Variants in RANBP1 observed in about 807,000 individuals in gnomAD.
RANBP1 encodes the protein RAN binding protein 1.
In RANBP1, 16 loss-of-function variants were observed where a neutral mutation model predicts 31.4. That is an observed-to-expected ratio of 0.51 (90% CI 0.34 to 0.77). The LOEUF (loss-of-function observed/expected upper bound fraction) is 0.77, where lower values mean the gene tolerates loss of function less well. Among genes scored for constraint, RANBP1 ranks in the 30% least tolerant of loss-of-function variants. The pLI is 0.01. For missense variants in RANBP1, 265 were observed against 362.0 expected (o/e 0.73, Z 2.17); for synonymous variants, 129 against 140.5 (o/e 0.92, Z 0.58).
chr22:20,124,927 G>A (rs995569584), intron 3 of RANBP1: 1 of 292,456 alleles, frequency 3.4e-6, no homozygotes, highest in Admixed American at 5.2e-5. Context: ...TTGGGCTTGA[G>A]TGCAGCCCTG....
rs145692019 is a variant in RANBP1 at position 20,116,193 on chromosome 22, G to A, written c.9G>A (p.Ser3=). 3.8e-5 allele frequency: 61 copies of A among 1,613,034 alleles called. No individual in the cohort carries two copies. The African/African-American group carries it at 5.2e-4, about 14-fold the overall frequency. ...GTCGCCTCCTCCTGGCCATGGGGTC[G>A]GCCTTGGGCCGGGCCAGGCGCACAC... MG[S]ALGRARRTLS... is the part of the protein sequence containing the mutation. The change falls in exon 1 of 6, where the codon TCG becomes TCA. Residue 3 remains serine (S), a synonymous_variant. Coordinates refer to ENST00000430524, the MANE Select transcript of RANBP1 (RefSeq NM_001278639.2).
intron 4 of RANBP1, among the ~76,000 whole-genome samples, 158 bp from the exon 5 acceptor site, chr22:20,126,145 A>AC (rs1449965297): frequency 6.6e-6 from 1 of 152,192 alleles, no homozygotes; most frequent in Non-Finnish European, 1.5e-5. Context: ...GATGAAGGAG[A>AC]CAGAAGGCCA....
rs1446426246 is a variant in RANBP1, at chr22:20,117,426, G to A, written c.246+996G>A. On this transcript the variant is annotated intron_variant, in intron 1 of 5. Transcript: ENST00000430524. ...GCGCGGGGCGGGCCGGACAATGAGA[G>A]TGTCCGCCTCCTGAGCCAATAAAGC... 4.2e-6 allele frequency: 5 copies of A among 1,201,190 alleles called. No homozygotes were observed. In the African/African-American group the frequency reaches 4.8e-5, roughly 12 times the overall value. 74.4% of individuals were successfully genotyped at this position (1,201,190 alleles called of 1,614,324 possible).
intron 3 of RANBP1, chr22:20,122,723 C>A: frequency 2.2e-6 from 2 of 928,856 alleles, no homozygotes; most frequent in Non-Finnish European, 1.3e-6. Flanking sequence ...CGAGGGGGTG[C>A]TGTGTGTGTG....
intron 5 of RANBP1, 84 bp downstream of exon 5, chr22:20,126,452 C>A: frequency 6.2e-7 from 1 of 1,608,986 alleles, no homozygotes; most frequent in South Asian, 1.1e-5. Flanking sequence ...CTTTTTCTGT[C>A]TGCCAGATAA....
intron 5 of RANBP1, 106 bp from the exon 6 acceptor site, chr22:20,126,846 G>A (rs2050310997): frequency 1.4e-6 from 2 of 1,434,816 alleles, no homozygotes; most frequent in Admixed American, 1.9e-5. Context: ...CCGAGGGCGG[G>A]CAAGCCGCTG....
chr22:20,116,985 A>G, intron 1 of RANBP1: 1 of 1,496,194 alleles, frequency 6.7e-7, no homozygotes, highest in Non-Finnish European at 9.1e-7. Flanking sequence ...GTCACAAGGG[A>G]AGTGGCCTGT....
rs566259050 is a variant in RANBP1 at position 20,119,027 on chromosome 22, C to T, written c.261C>T (p.Asp87=). Residue 87 remains aspartate, a synonymous_variant, in exon 2 of 6, where the codon GAC becomes GAT. Transcript: ENST00000430524. ...SLKISEDTHE[D]HDTSTENTDE... ...TATCTCCACAGGACACTCATGAGGA[C>T]CATGATACTTCCACTGAGAATACAG... 22 of 1,612,744 alleles carry T rather than the reference C, an allele frequency of 1.4e-5. No homozygotes were observed. In the East Asian group the frequency reaches 4.5e-4, roughly 33 times the overall value.
Position 20,116,215 on chromosome 22 carries a change from A to C in RANBP1, c.31A>C (p.Thr11Pro). The C allele has an allele frequency of 1.2e-6, 2 of 1,613,026 alleles. No individual in the cohort carries two copies. The highest frequency in any genetic ancestry group is 1.7e-6 in the Non-Finnish European group (2 of 1,180,006). The change falls in exon 1 of 6, where the codon ACA (threonine) becomes CCA (proline). Residue 11 changes from threonine (T) to proline (P), a missense_variant. Around this residue, in one of 3 missense-constraint regions of RANBP1, gnomAD observed 126 missense variants for 123.6 expected, o/e 1.02. Coordinates refer to ENST00000430524, the MANE Select transcript of RANBP1 (RefSeq NM_001278639.2). ...GTCGGCCTTGGGCCGGGCCAGGCGC[A>C]CACTGAGTGGGCGGCCTTTCCAGAG... MGSALGRARRTLSGRPFQRAP... is the reference protein window; with the variant it reads MGSALGRARRPLSGRPFQRAP...
rs1157725526 is a variant in RANBP1 at position 20,125,448 on chromosome 22, G to T, written c.670+12G>T. 1.3e-6 allele frequency: 2 copies of T among 1,595,844 alleles called. No individual in the cohort carries two copies. Among genetic ancestry groups the T allele is most frequent in the East Asian group, 2.3e-5 (1 of 43,866 alleles). ...CCTGAATGCTGAGAGTGAGCCAAGG[G>T]CCCTGGGGACCTGCCTGACTTGGGG... On this transcript the variant is annotated intron_variant, in intron 4 of 5. Transcript: ENST00000430524.
At chr22:20,116,604 C>T in intron 1 of RANBP1, 174 bp downstream of exon 1, 3 of 1,539,242 alleles carry the variant, frequency 1.9e-6, no homozygotes, top group Non-Finnish European at 8.7e-7. Context: ...TCTCCATGGG[C>T]TTCGGGCCCT....
At position 20,127,108 on chromosome 22, in the gene RANBP1, T is replaced by C; in HGVS notation, c.*56T>C. 1.4e-6 allele frequency: 2 copies of C among 1,447,352 alleles called. No homozygotes were observed. The highest frequency in any genetic ancestry group is 1.4e-5 in the African/African-American group (1 of 69,564). 89.7% of individuals were successfully genotyped at this position (1,447,352 alleles called of 1,614,324 possible). A position where few individuals can be genotyped will look rare whatever the true frequency, so the allele number is the denominator to read the frequency against. ...TTCCTTTCCTTTTTTTAAAAAATTT[T>C]ACCCTGCCCCTCTTTTTCGGTTTGT... On this transcript the variant is annotated 3_prime_UTR_variant, in exon 6 of 6. Coordinates refer to ENST00000430524, the MANE Select transcript of RANBP1 (RefSeq NM_001278639.2).
At chr22:20,125,845 C>T (rs2050284785) in intron 4 of RANBP1, among the ~76,000 whole-genome samples, 2 of 152,250 alleles carry the variant, frequency 1.3e-5, no homozygotes, top group Admixed American at 1.3e-4. Flanking sequence ...CCAGCAGGGG[C>T]TGGGCAGAGA....
chr22:20,117,870 C>A lies in RANBP1; in HGVS notation c.247-1143C>A, dbSNP rs913322937. 5.1e-5 allele frequency: 52 copies of A among 1,019,222 alleles called. No homozygotes were observed. The Admixed American group carries it at 2.6e-3, about 52-fold the overall frequency. The allele number at this position is 1,019,222 out of a possible 1,614,324, so 63.1% of individuals were successfully genotyped here. On this transcript the variant is annotated intron_variant, in intron 1 of 5. Coordinates refer to ENST00000430524, the MANE Select transcript of RANBP1 (RefSeq NM_001278639.2). ...GTTGGGGCGTTTGGGGGTGCAGGCT[C>A]TGCAGAGGCCTGGGGGCTGCAGGGC...
chr22:20,126,843 C>CCCT, intron 5 of RANBP1, 109 bp from the exon 6 acceptor site: 1 of 1,423,442 alleles, frequency 7.0e-7, no homozygotes, highest in South Asian at 1.2e-5. Context: ...GTCCCGAGGG[C>CCCT]GGGCAAGCCG....
intron 1 of RANBP1, chr22:20,117,695 G>A (rs1956640221): frequency 8.9e-7 from 1 of 1,122,490 alleles, no homozygotes. Context: ...GGACAGGGTG[G>A]GCGGGCGGGG....
chr22:20,119,393 T>C (rs2050126124), intron 2 of RANBP1: 2 of 478,526 alleles, frequency 4.2e-6, no homozygotes, highest in Non-Finnish European at 3.7e-6. Flanking sequence ...TCCACTGGCA[T>C]GGCGGCCCCA....
At chr22:20,117,100 C>T (rs1229706082) in intron 1 of RANBP1, 1 of 715,300 alleles carries the variant, frequency 1.4e-6, no homozygotes, top group Non-Finnish European at 2.3e-6. Context: ...CTCGAACCTG[C>T]GATGCTCAGG....
chr22:20,118,555 AAG>A (rs1410087506), intron 1 of RANBP1, among the ~76,000 whole-genome samples: 1 of 152,258 alleles, frequency 6.6e-6, no homozygotes, highest in Non-Finnish European at 1.5e-5. Context: ...TCAAAACTGA[AAG>A]AGTTACATTT....
Sources: allele counts gnomAD v4.1 joint callset (sites outside exome capture counted in the v4.1 genomes callset), GRCh38; gene constraint gnomAD v4.1.1; regional missense constraint gnomAD v4.1.1; transcripts MANE v1.5; gene names NCBI Gene and HGNC (gene_info 2026-07-23, HGNC 2026-07-21).